The following KLHL32 variants were observed in gnomAD, a reference collection of about 807,000 sequenced individuals.
The protein encoded by KLHL32 is kelch like family member 32, also known as kelch-like protein 32.
In KLHL32, 35 loss-of-function variants were observed where a neutral mutation model predicts 64.8. That is an observed-to-expected ratio of 0.54 (90% CI 0.41 to 0.72). The LOEUF (loss-of-function observed/expected upper bound fraction) is 0.72, where lower values mean the gene tolerates loss of function less well. Among genes scored for constraint, KLHL32 ranks in the 30% least tolerant of loss-of-function variants. The pLI, the probability that KLHL32 is intolerant of heterozygous loss-of-function variation, is 0.00. For synonymous variants in KLHL32, 259 were observed against 281.0 expected (o/e 0.92, Z 0.78); for missense variants, 589 against 768.5 (o/e 0.77, Z 2.76).
intron 5 of KLHL32, among the ~76,000 whole-genome samples, chr6:97,080,263 G>A (rs1792292178): frequency 6.6e-6 from 1 of 152,122 alleles, no homozygotes; most frequent in African/African-American, 2.4e-5. Flanking sequence ...AAAGAGAAAG[G>A]GACAATCAGG....
At chr6:96,969,399 C>T (rs949758980) in intron 2 of KLHL32, among the ~76,000 whole-genome samples, 23 of 152,142 alleles carry the variant, frequency 1.5e-4, no homozygotes, top group African/African-American at 5.6e-4. Flanking sequence ...CCAGTCTTTC[C>T]TTTCCTCATT....
chr6:96,917,253 C>CACT, the KLHL32 span, among the ~76,000 whole-genome samples: 1 of 152,162 alleles, frequency 6.6e-6, no homozygotes, highest in Non-Finnish European at 1.5e-5. Flanking sequence ...AGGATGCAAG[C>CACT]ACTATCACTT....
At chr6:96,934,759 T>C (rs886151660) in intron 1 of KLHL32, among the ~76,000 whole-genome samples, 3 of 152,266 alleles carry the variant, frequency 2.0e-5, no homozygotes, top group African/African-American at 7.2e-5. Flanking sequence ...TTTTTAATTT[T>C]ATACTTTTTA....
chr6:97,010,940 C>A (rs1780329787), intron 3 of KLHL32, among the ~76,000 whole-genome samples: 1 of 152,144 alleles, frequency 6.6e-6, no homozygotes, highest in Non-Finnish European at 1.5e-5. Flanking sequence ...CAGAGGAAAG[C>A]AAATACCAGT....
intron 7 of KLHL32, among the ~76,000 whole-genome samples, chr6:97,117,254 A>T (rs1407333001): frequency 6.6e-6 from 1 of 152,218 alleles, no homozygotes; most frequent in Non-Finnish European, 1.5e-5. Context: ...GCTATTCCTT[A>T]TCCTTTACCA....
intron 1 of KLHL32, among the ~76,000 whole-genome samples, chr6:96,938,631 G>A (rs1320607559): frequency 2.1e-5 from 3 of 143,262 alleles, no homozygotes; most frequent in Non-Finnish European, 4.8e-5. Flanking sequence ...CTCTCTTCCT[G>A]CAGCAGCAGC....
chr6:96,955,329 CCTTT>C (rs1773125300), intron 1 of KLHL32, among the ~76,000 whole-genome samples: 1 of 152,162 alleles, frequency 6.6e-6, no homozygotes, highest in South Asian at 2.1e-4. Context: ...TTGGAATTTG[CCTTT>C]CTTGTCTCCT....
At chr6:97,005,066 T>A (rs1307472360) in intron 3 of KLHL32, among the ~76,000 whole-genome samples, 1 of 152,094 alleles carries the variant, frequency 6.6e-6, no homozygotes, top group African/African-American at 2.4e-5. Flanking sequence ...GTATCAGCAC[T>A]TTTTTGTACA....
intron 1 of KLHL32, among the ~76,000 whole-genome samples, chr6:96,945,819 A>G (rs1016543139): frequency 6.6e-6 from 1 of 152,136 alleles, no homozygotes; most frequent in African/African-American, 2.4e-5. Context: ...GTTGGTGTCT[A>G]CATCAGTAGA....
Position 96,924,794 on chromosome 6 carries a change from C to G in KLHL32, c.-298C>G, listed in dbSNP as rs1266499836. The G allele has an allele frequency of 8.7e-6, 1 of 114,994 alleles. No homozygotes were observed. Among genetic ancestry groups the G allele is most frequent in the Non-Finnish European group, 1.7e-5 (1 of 58,016 alleles). The allele number at this position is 114,994 out of a possible 1,614,324, so 7.1% of individuals were successfully genotyped here. On this transcript the variant is annotated 5_prime_UTR_variant, in exon 1 of 11. Transcript: ENST00000369261. ...GCGCAGGCAGTCGCGCGCACACACG[C>G]ACGCAGGCACACACACACACACACA...
intron 1 of KLHL32, among the ~76,000 whole-genome samples, chr6:96,927,992 G>A (rs1769371737): frequency 6.6e-6 from 1 of 152,152 alleles, no homozygotes; most frequent in Non-Finnish European, 1.5e-5. Context: ...AGTCCAATTG[G>A]AGCAATGAAA....
intron 1 of KLHL32, among the ~76,000 whole-genome samples, chr6:96,933,872 G>T (rs992497260): frequency 6.6e-6 from 1 of 152,206 alleles, no homozygotes; most frequent in East Asian, 1.9e-4. Context: ...TTACAGTTAG[G>T]CTAGGGGTTG....
chr6:97,113,950 G>A lies in KLHL32; in HGVS notation c.795G>A (p.Leu265=). ...CAACAGCCCTTGTCAACGAGGCCCT[G>A]GAATACCACCAGAGCATCTATGCAC... ...ETATALVNEA[L]EYHQSIYAQP... The change falls in exon 7 of 11, where the codon CTG becomes CTA. Residue 265 remains leucine (L), a synonymous_variant. Coordinates refer to ENST00000369261, the MANE Select transcript of KLHL32 (RefSeq NM_052904.4). 1.2e-6 allele frequency: 2 copies of A among 1,614,192 alleles called. No individual in the cohort carries two copies. Among genetic ancestry groups the A allele is most frequent in the South Asian group, 1.1e-5 (1 of 91,076 alleles).
At chr6:96,997,782 C>T (rs1313344770) in intron 3 of KLHL32, among the ~76,000 whole-genome samples, 5 of 152,030 alleles carry the variant, frequency 3.3e-5, no homozygotes, top group African/African-American at 4.8e-5. Context: ...CTGCTTAAGC[C>T]TCTCAAGTAG....
At chr6:97,138,368 A>G (rs1165543223) in intron 10 of KLHL32, among the ~76,000 whole-genome samples, 2 of 152,066 alleles carry the variant, frequency 1.3e-5, no homozygotes, top group Non-Finnish European at 2.9e-5. Context: ...GCGAGAGCCC[A>G]TCACTACAGA....
intron 3 of KLHL32, among the ~76,000 whole-genome samples, chr6:97,014,151 G>A (rs577541224): frequency 6.6e-6 from 1 of 152,090 alleles, no homozygotes; most frequent in East Asian, 1.9e-4. Flanking sequence ...AAAATTAGCC[G>A]GGCGTTGTGG....
intron 9 of KLHL32, among the ~76,000 whole-genome samples, chr6:97,132,252 C>G (rs1352062999): frequency 6.6e-6 from 1 of 152,128 alleles, no homozygotes; most frequent in East Asian, 1.9e-4. Context: ...GCAGCTGTTA[C>G]TTTACAAATG....
the KLHL32 span, among the ~76,000 whole-genome samples, chr6:96,909,338 G>A: frequency 2.7e-4 from 41 of 152,220 alleles, no homozygotes; most frequent in African/African-American, 9.4e-4. Flanking sequence ...AATTTTGCAT[G>A]TGTGTCACGA....
intron 4 of KLHL32, among the ~76,000 whole-genome samples, chr6:97,047,660 T>TG (rs1562278151): frequency 2.6e-5 from 4 of 151,746 alleles, no homozygotes; most frequent in African/African-American, 7.3e-5. Context: ...GTAGAAGAGG[T>TG]ATGAGGAAGA....
Sources: allele counts gnomAD v4.1 joint callset (sites outside exome capture counted in the v4.1 genomes callset), GRCh38; gene constraint gnomAD v4.1.1; transcripts MANE v1.5; gene names NCBI Gene and HGNC (gene_info 2026-07-23, HGNC 2026-07-21).